Variants in LIPC observed in about 807,000 individuals in gnomAD.
LIPC encodes the protein hepatic triacylglycerol lipase.
LIPC carries 44 observed loss-of-function variants against 50.7 expected under a neutral mutation model. The observed-to-expected ratio is 0.87, with a 90% CI of 0.68 to 1.11. The LOEUF (loss-of-function observed/expected upper bound fraction) is 1.11. Ranked by LOEUF, LIPC falls within the 50% of genes most tolerant of loss-of-function variation. The pLI is 0.00. For missense variants in LIPC, 697 were observed against 648.2 expected (o/e 1.08, Z -0.82); for synonymous variants, 271 against 256.4 (o/e 1.06, Z -0.54).
rs370946991 is a variant in LIPC at position 58,469,478 on chromosome 15, T to C, written c.88+37358T>C. Among the ~76,000 whole-genome samples, 33 of 152,320 alleles carry C rather than the reference T, an allele frequency of 2.2e-4. No homozygotes were observed. The East Asian group carries it at 3.5e-3, about 16-fold the overall frequency. On this transcript the variant is annotated intron_variant, in intron 1 of 8. Transcript: ENST00000299022. ...GGGATTTGGCTTGGGCTCAAAGCCA[T>C]AGTGATGCTTTCTGCTCCACCCCCT... is the stretch of plus-strand genomic sequence containing the variant.
chr15:58,543,084 G>A (rs1893392923), intron 4 of LIPC, among the ~76,000 whole-genome samples: 1 of 152,112 alleles, frequency 6.6e-6, no homozygotes, highest in Non-Finnish European at 1.5e-5. Context: ...TTTAGTCTGG[G>A]ACCCATTTGG....
intron 4 of LIPC, among the ~76,000 whole-genome samples, chr15:58,542,915 A>G (rs112979888): frequency 8.0e-4 from 122 of 152,308 alleles, no homozygotes; most frequent in African/African-American, 2.6e-3. Flanking sequence ...ATGGGACTAA[A>G]AGATGGACTT....
intron 1 of LIPC, among the ~76,000 whole-genome samples, chr15:58,451,310 T>A (rs1893892195): frequency 6.6e-6 from 1 of 152,148 alleles, no homozygotes; most frequent in Non-Finnish European, 1.5e-5. Flanking sequence ...AGAATAATAA[T>A]CCAAACCAAA....
At chr15:58,503,027 C>A (rs920398885) in intron 1 of LIPC, among the ~76,000 whole-genome samples, 1 of 150,052 alleles carries the variant, frequency 6.7e-6, no homozygotes, top group African/African-American at 2.5e-5. Context: ...CAATAGTATA[C>A]ACATATTATT....
At chr15:58,502,170 ATGACATC>A (rs1404761496) in intron 1 of LIPC, among the ~76,000 whole-genome samples, 3 of 152,168 alleles carry the variant, frequency 2.0e-5, no homozygotes, top group Admixed American at 2.0e-4. Context: ...CAGGCACACC[ATGACATC>A]TTCTCATTTT....
At chr15:58,496,834 G>A (rs537891138) in intron 1 of LIPC, among the ~76,000 whole-genome samples, 30 of 150,288 alleles carry the variant, frequency 2.0e-4, no homozygotes, top group African/African-American at 6.6e-4. Context: ...ACAGGTCTGC[G>A]CCACTGCACC....
chr15:58,479,613 G>GA (rs1313889840), intron 1 of LIPC, among the ~76,000 whole-genome samples: 4 of 152,072 alleles, frequency 2.6e-5, no homozygotes, highest in Admixed American at 2.0e-4. Flanking sequence ...TAATTTGTAG[G>GA]AAAAAAATAC....
At chr15:58,465,315 A>C (rs1894510974) in intron 1 of LIPC, among the ~76,000 whole-genome samples, 1 of 152,164 alleles carries the variant, frequency 6.6e-6, no homozygotes, top group Admixed American at 6.5e-5. Flanking sequence ...TATAATTGGT[A>C]CCTCTTATGA....
intron 6 of LIPC, among the ~76,000 whole-genome samples, chr15:58,557,844 G>A (rs1349066056): frequency 6.6e-6 from 1 of 152,020 alleles, no homozygotes; most frequent in African/African-American, 2.4e-5. Flanking sequence ...TTAACCCAAG[G>A]CCAGTCCTCC....
Position 58,472,270 on chromosome 15 carries a change from CAAAAAAA to C in LIPC, c.88+40167_88+40173del, listed in dbSNP as rs35901617. Among the ~76,000 whole-genome samples the C allele has an allele frequency of 7.8e-4, 68 of 87,638 alleles. 1 individual carries two copies. The highest frequency in any genetic ancestry group is 1.1e-3 in the Non-Finnish European group (54 of 47,314). The allele number at this position is 87,638 out of a possible 152,430, so 57.5% of individuals were successfully genotyped here. A position where few individuals can be genotyped will look rare whatever the true frequency, so the allele number is the denominator to read the frequency against. On this transcript the variant is annotated intron_variant, in intron 1 of 8. Coordinates refer to ENST00000299022, the MANE Select transcript of LIPC (RefSeq NM_000236.3). Reference sequence around the variant, plus strand: ...TGGGCAACAGAGTGACATTTGGTCTCAAAAAAAAAAAAAAAAAAAAAAAGAAATCTTA... The same window carrying C: ...TGGGCAACAGAGTGACATTTGGTCTCAAAAAAAAAAAAAAAAGAAATCTTA...
intron 6 of LIPC, among the ~76,000 whole-genome samples, chr15:58,549,249 G>A (rs1229175603): frequency 1.3e-5 from 2 of 152,232 alleles, no homozygotes; most frequent in Non-Finnish European, 2.9e-5. Flanking sequence ...GCCGACATCT[G>A]TTGCCATTAA....
chr15:58,474,464 T>C (rs994662247), intron 1 of LIPC, among the ~76,000 whole-genome samples: 11 of 149,050 alleles, frequency 7.4e-5, no homozygotes, highest in Admixed American at 1.3e-4. Flanking sequence ...TGAGCCATGA[T>C]TGCACCACTG....
At chr15:58,436,265 A>G (rs1307294809) in intron 1 of LIPC, 2 of 159,306 alleles carry the variant, frequency 1.3e-5, no homozygotes, top group African/African-American at 2.4e-5. Context: ...TTGAAACAAA[A>G]AATGATAGCG....
chr15:58,538,377 C>A lies in LIPC; in HGVS notation c.133C>A (p.Leu45Met). ...TCAAGCTGTTGAAACAAACAAAACG[C>A]TGCATGAGATGAAGACCAGATTCCT... Reference protein sequence around the residue: ...RAQAVETNKTLHEMKTRFLLF... With the variant: ...RAQAVETNKTMHEMKTRFLLF... Residue 45 changes from leucine to methionine, a missense_variant, in exon 2 of 9, where the codon CTG (leucine) becomes ATG (methionine). Leu to Met is a conservative substitution (Grantham distance 15, BLOSUM62 2). Transcript: ENST00000299022. 6.2e-7 allele frequency: 1 copy of A among 1,614,186 alleles called. No individual in the cohort carries two copies. Among genetic ancestry groups the A allele is most frequent in the Non-Finnish European group, 8.5e-7 (1 of 1,180,020 alleles).
At chr15:58,525,726 C>A (rs1237257135) in intron 1 of LIPC, among the ~76,000 whole-genome samples, 1 of 152,168 alleles carries the variant, frequency 6.6e-6, no homozygotes, top group African/African-American at 2.4e-5. Context: ...CTGGTCCATC[C>A]AATCTGTTTA....
intron 1 of LIPC, among the ~76,000 whole-genome samples, chr15:58,498,441 T>A (rs1891853118): frequency 6.6e-6 from 1 of 152,140 alleles, no homozygotes; most frequent in Non-Finnish European, 1.5e-5. Flanking sequence ...TGAAATTGTA[T>A]CTTGAGGTGG....
chr15:58,491,118 C>T (rs1891571968), intron 1 of LIPC, among the ~76,000 whole-genome samples: 1 of 152,186 alleles, frequency 6.6e-6, no homozygotes, highest in Admixed American at 6.5e-5. Context: ...ATTCTTAGCT[C>T]CTGACAGCCA....
chr15:58,509,836 A>T (rs1192904936), intron 1 of LIPC, among the ~76,000 whole-genome samples: 1 of 152,170 alleles, frequency 6.6e-6, no homozygotes. Context: ...TATGATAGGA[A>T]TGCTGTCAAT....
At chr15:58,553,788 T>C (rs1893838391) in intron 6 of LIPC, among the ~76,000 whole-genome samples, 1 of 152,156 alleles carries the variant, frequency 6.6e-6, no homozygotes, top group African/African-American at 2.4e-5. Flanking sequence ...CTGAGTTAAT[T>C]CACTTTCATT....
Sources: gnomAD v4.1 joint callset for allele counts (sites outside exome capture counted in the v4.1 genomes callset) on GRCh38, gnomAD v4.1.1 for gene constraint, MANE v1.5 for transcripts, NCBI Gene and HGNC (gene_info 2026-07-23, HGNC 2026-07-21) for gene names.